Variants in ZFHX4 observed in about 807,000 individuals in gnomAD.
The protein encoded by ZFHX4 is zinc finger homeobox protein 4.
Under a neutral mutation model 267.6 loss-of-function variants are expected in ZFHX4, and 56 were observed. The ratio of observed to expected loss-of-function variants is 0.21; its 90% CI spans 0.17 to 0.26. The LOEUF (loss-of-function observed/expected upper bound fraction) is 0.26, where lower values mean the gene tolerates loss of function less well. ZFHX4 is among the 10% of genes least tolerant of loss of function. The pLI is 1.00. For synonymous variants in ZFHX4, 1,778 were observed against 1,665.6 expected, an observed-to-expected ratio of 1.07 and a Z score of -1.64; for missense variants, 4,332 against 4,420.0, an observed-to-expected ratio of 0.98 and a Z score of 0.56.
chr8:76,758,112 T>G (rs370183894), intron 3 of ZFHX4, among the ~76,000 whole-genome samples: 1 of 152,246 alleles, frequency 6.6e-6, no homozygotes, highest in East Asian at 1.9e-4. Flanking sequence ...GAACACAGTC[T>G]CTTCATTCAT....
intron 5 of ZFHX4, 40 bp from the exon 6 acceptor site, chr8:76,842,615 C>T (rs771074514): frequency 2.0e-5 from 29 of 1,456,980 alleles, no homozygotes; most frequent in South Asian, 8.8e-5. Flanking sequence ...AACTTTTGGG[C>T]GGTTTTCAGT....
At chr8:76,830,312 G>C (rs960280940) in intron 4 of ZFHX4, among the ~76,000 whole-genome samples, 5 of 152,064 alleles carry the variant, frequency 3.3e-5, no homozygotes, top group African/African-American at 1.2e-4. Flanking sequence ...GTAGAATACT[G>C]GATAAACTAA....
At chr8:76,842,507 CTT>C in intron 5 of ZFHX4, 146 bp from the exon 6 acceptor site, 1 of 581,208 alleles carries the variant, frequency 1.7e-6, no homozygotes. Flanking sequence ...TCAGCATAGA[CTT>C]TTGCATAAAT....
At chr8:76,861,438 G>A (rs1435952155) in intron 10 of ZFHX4, among the ~76,000 whole-genome samples, 2 of 152,156 alleles carry the variant, frequency 1.3e-5, no homozygotes, top group African/African-American at 4.8e-5. Context: ...TAAGGATGTT[G>A]GGAGATTGTT....
intron 4 of ZFHX4, among the ~76,000 whole-genome samples, chr8:76,800,199 T>C (rs1811083568): frequency 6.6e-6 from 1 of 152,066 alleles, no homozygotes. Flanking sequence ...CAAATGATGG[T>C]GTCAGGCCAC....
intron 4 of ZFHX4, among the ~76,000 whole-genome samples, chr8:76,814,098 G>T (rs1224835125): frequency 6.6e-6 from 1 of 152,000 alleles, no homozygotes; most frequent in African/African-American, 2.4e-5. Flanking sequence ...TAGAGACAGA[G>T]TCTCACACTG....
intron 4 of ZFHX4, among the ~76,000 whole-genome samples, chr8:76,823,883 A>T (rs1811718624): frequency 6.6e-6 from 1 of 152,240 alleles, no homozygotes; most frequent in Non-Finnish European, 1.5e-5. Context: ...AGTTTATTAT[A>T]AGTAGTAGCG....
intron 10 of ZFHX4, among the ~76,000 whole-genome samples, chr8:76,860,420 T>A (rs909397411): frequency 6.6e-6 from 1 of 152,094 alleles, no homozygotes; most frequent in Non-Finnish European, 1.5e-5. Flanking sequence ...TGTAGACCCT[T>A]CATGATGGGA....
intron 10 of ZFHX4, among the ~76,000 whole-genome samples, chr8:76,858,050 C>G (rs1812777061): frequency 6.6e-6 from 1 of 152,114 alleles, no homozygotes; most frequent in African/African-American, 2.4e-5. Flanking sequence ...TTGATGATGA[C>G]TGTGTTGTCA....
chr8:76,740,105 T>C (rs1298702536), intron 3 of ZFHX4, among the ~76,000 whole-genome samples: 1 of 152,178 alleles, frequency 6.6e-6, no homozygotes, highest in Admixed American at 6.6e-5. Flanking sequence ...CTAGGTAAAA[T>C]AATATGAACT....
At chr8:76,797,892 G>GTGTGTCTGTA (rs1334764335) in intron 4 of ZFHX4, among the ~76,000 whole-genome samples, 1 of 146,144 alleles carries the variant, frequency 6.8e-6, no homozygotes, top group African/African-American at 2.7e-5. Flanking sequence ...CTGTATGTGT[G>GTGTGTCTGTA]TGTGTGTGTG....
At chr8:76,750,265 G>T (rs568434729) in intron 3 of ZFHX4, among the ~76,000 whole-genome samples, 1 of 152,062 alleles carries the variant, frequency 6.6e-6, no homozygotes, top group South Asian at 2.1e-4. Context: ...TGTATTGACT[G>T]TATATAAAGA....
intron 10 of ZFHX4, among the ~76,000 whole-genome samples, chr8:76,861,383 C>T (rs1812862544): frequency 1.3e-5 from 2 of 152,086 alleles, no homozygotes; most frequent in Non-Finnish European, 2.9e-5. Flanking sequence ...GACTCGGTTT[C>T]CTTATTTAAA....
intron 3 of ZFHX4, among the ~76,000 whole-genome samples, chr8:76,748,301 ATCT>A (rs1167886599): frequency 2.0e-5 from 3 of 152,202 alleles, no homozygotes; most frequent in Admixed American, 6.5e-5. Flanking sequence ...CTAGCAGAAC[ATCT>A]TCTCTCCGAT....
Position 76,851,044 on chromosome 8 carries a change from C to A in ZFHX4, c.4123C>A (p.Gln1375Lys), listed in dbSNP as rs756299615. 1.9e-6 allele frequency: 3 copies of A among 1,613,950 alleles called. No homozygotes were observed. Among genetic ancestry groups the A allele is most frequent in the Middle Eastern group, 1.6e-4 (1 of 6,062 alleles). ...SKDVKIPDTL[Q>K]DQLNEQQKRQ... Reference sequence around the variant, plus strand: ...GGATGTGAAAATCCCCGACACACTGCAAGATCAATTAAATGAACAGCAAAA... The same window carrying A: ...GGATGTGAAAATCCCCGACACACTGAAAGATCAATTAAATGAACAGCAAAA... Residue 1375 changes from glutamine to lysine, a missense_variant, in exon 10 of 11, where the codon CAA (glutamine) becomes AAA (lysine). Transcript: ENST00000651372.
chr8:76,856,269 C>G lies in ZFHX4; in HGVS notation c.9348C>G (p.Ser3116=), dbSNP rs776144383. The part of the protein sequence containing the change: ...PVLLPGMNGP[S]SLPGFPQNSN... Reference sequence around the variant, plus strand: ...TTCTCCCCGGAATGAACGGTCCATCCTCCTTGCCGGGATTTCCACAAAATT... The same window carrying G: ...TTCTCCCCGGAATGAACGGTCCATCGTCCTTGCCGGGATTTCCACAAAATT... Residue 3116 remains serine (S), a synonymous_variant, in exon 10 of 11, where the codon TCC becomes TCG. Coordinates refer to ENST00000651372, the MANE Select transcript of ZFHX4 (RefSeq NM_024721.5). 6.2e-7 allele frequency: 1 copy of G among 1,613,938 alleles called. No individual in the cohort carries two copies. The highest frequency in any genetic ancestry group is 1.3e-5 in the African/African-American group (1 of 75,054).
chr8:76,696,595 C>G (rs561678511), intron 1 of ZFHX4, among the ~76,000 whole-genome samples: 7 of 146,660 alleles, frequency 4.8e-5, no homozygotes, highest in Admixed American at 1.4e-4. Flanking sequence ...CTGAATTGCT[C>G]ACTTCACTGA....
intron 3 of ZFHX4, among the ~76,000 whole-genome samples, chr8:76,732,748 C>A (rs990418028): frequency 1.3e-5 from 2 of 152,126 alleles, no homozygotes; most frequent in Admixed American, 1.3e-4. Flanking sequence ...CTGGTTTTCC[C>A]TCAATAGCAT....
At chr8:76,719,504 G>A (rs1403519213) in intron 3 of ZFHX4, among the ~76,000 whole-genome samples, 6 of 151,906 alleles carry the variant, frequency 3.9e-5, no homozygotes. Flanking sequence ...ATTGTGGGAG[G>A]ACAGTAAGCC....
Sources: gnomAD v4.1 joint callset for allele counts (sites outside exome capture counted in the v4.1 genomes callset) on GRCh38, gnomAD v4.1.1 for gene constraint, MANE v1.5 for transcripts, NCBI Gene and HGNC (gene_info 2026-07-23, HGNC 2026-07-21) for gene names.